Variants in BMS1 observed in about 807,000 individuals in gnomAD.
BMS1 encodes ribosome biogenesis protein BMS1 homolog.
Under a neutral mutation model 138.7 loss-of-function variants are expected in BMS1, and 53 were observed. The observed-to-expected ratio is 0.38, with a 90% CI of 0.31 to 0.48. BMS1 has a LOEUF of 0.48. Ranked by LOEUF, BMS1 falls within the 20% of genes least tolerant of loss-of-function variation. The pLI, the probability that BMS1 is intolerant of heterozygous loss-of-function variation, is 0.97. For synonymous variants in BMS1, 504 were observed against 539.9 expected, an observed-to-expected ratio of 0.93 and a Z score of 0.92; for missense variants, 1,360 against 1,565.5, an observed-to-expected ratio of 0.87 and a Z score of 2.22.
rs1265832038 is a variant in BMS1, at chr10:42,833,674, G to A, written c.*2578G>A. The A allele has an allele frequency of 2.6e-5, 4 of 152,336 alleles. No homozygotes were observed. The highest frequency in any genetic ancestry group is 3.4e-3 in the Middle Eastern group (1 of 294). The allele number at this position is 152,336 out of a possible 1,614,324, so 9.4% of individuals were successfully genotyped here. Reference sequence around the variant, plus strand: ...TCCATCCTTGACTGAACATCATGCGGCATGTGGCTGTATGTATACACATAG... The same window carrying A: ...TCCATCCTTGACTGAACATCATGCGACATGTGGCTGTATGTATACACATAG... On this transcript the variant is annotated 3_prime_UTR_variant, in exon 23 of 23. Transcript: ENST00000374518.
Position 42,798,766 on chromosome 10 carries a change from G to T in BMS1, c.2247+141G>T, listed in dbSNP as rs1053035303. The stretch of plus-strand genomic sequence containing the variant: ...AGGTCATTCTCCCAGATATTGTAGT[G>T]GGCGCTTCATGCATCCTAAGCAGTA... On this transcript the variant is annotated intron_variant, in intron 12 of 22. Coordinates refer to ENST00000374518, the MANE Select transcript of BMS1 (RefSeq NM_014753.4). 10 of 1,204,308 alleles carry T rather than the reference G, an allele frequency of 8.3e-6. No homozygotes were observed. In the African/African-American group the frequency reaches 1.5e-4, roughly 18 times the overall value. 74.6% of individuals were successfully genotyped at this position (1,204,308 alleles called of 1,614,324 possible).
intron 13 of BMS1, among the ~76,000 whole-genome samples, chr10:42,812,129 C>A (rs1842202772): frequency 6.6e-6 from 1 of 152,138 alleles, no homozygotes. Flanking sequence ...TTTGCTGGCT[C>A]ACTGTTCAGA....
chr10:42,820,883 G>C (rs1383957725), intron 17 of BMS1, 51 bp from the exon 18 acceptor site: 1 of 1,496,126 alleles, frequency 6.7e-7, no homozygotes, highest in African/African-American at 1.4e-5. Flanking sequence ...TGTTAAACTA[G>C]AATCTAAAAT....
chr10:42,816,968 T>C (rs1422814690), intron 14 of BMS1, among the ~76,000 whole-genome samples: 1 of 152,244 alleles, frequency 6.6e-6, no homozygotes, highest in Non-Finnish European at 1.5e-5. Flanking sequence ...ATTCTCCTTT[T>C]TTTAAATTTA....
chr10:42,824,702 T>C (rs1013892894), intron 21 of BMS1, among the ~76,000 whole-genome samples: 1 of 152,220 alleles, frequency 6.6e-6, no homozygotes, highest in Non-Finnish European at 1.5e-5. Context: ...TTCTTTTGCA[T>C]GTGAAAATCC....
At chr10:42,829,292 C>T (rs908980909) in intron 21 of BMS1, among the ~76,000 whole-genome samples, 3 of 151,790 alleles carry the variant, frequency 2.0e-5, no homozygotes, top group African/African-American at 7.3e-5. Flanking sequence ...GCCTGGGCGA[C>T]AGAGCGAGAC....
chr10:42,804,556 TA>T (rs1841961243), intron 13 of BMS1, among the ~76,000 whole-genome samples: 1 of 152,190 alleles, frequency 6.6e-6, no homozygotes, highest in Admixed American at 6.5e-5. Context: ...TTTTGTACAT[TA>T]TTTTAATTTT....
chr10:42,826,649 T>C (rs1842654227), intron 21 of BMS1, among the ~76,000 whole-genome samples: 1 of 152,190 alleles, frequency 6.6e-6, no homozygotes, highest in South Asian at 2.1e-4. Flanking sequence ...TCTACAGTTG[T>C]TTGTCCTGAA....
chr10:42,803,443 G>GT (rs1308094986), intron 13 of BMS1, among the ~76,000 whole-genome samples: 1 of 152,072 alleles, frequency 6.6e-6, no homozygotes, highest in Non-Finnish European at 1.5e-5. Flanking sequence ...CTAGTCTGTA[G>GT]TATGTGAATG....
At position 42,809,708 on chromosome 10, in the gene BMS1, G is replaced by T. The variant is rs1842112206; in HGVS notation, c.2330-6891G>T. Among the ~76,000 whole-genome samples the T allele has an allele frequency of 2.0e-5, 3 of 152,144 alleles. No homozygotes were observed. The South Asian group carries it at 6.2e-4, about 31-fold the overall frequency. On this transcript the variant is annotated intron_variant, in intron 13 of 22. Coordinates refer to ENST00000374518, the MANE Select transcript of BMS1 (RefSeq NM_014753.4). ...CTAACATGATTGGATGTTGAATTTT[G>T]TCTAATGCCTTTTGGTGTCAGTTGA...
chr10:42,807,749 G>A (rs1056036475), intron 13 of BMS1, among the ~76,000 whole-genome samples: 1 of 152,158 alleles, frequency 6.6e-6, no homozygotes, highest in Middle Eastern at 3.2e-3. Context: ...TTAGAATTGA[G>A]CTACTATGAA....
At chr10:42,812,871 G>A (rs946022296) in intron 13 of BMS1, among the ~76,000 whole-genome samples, 6 of 152,214 alleles carry the variant, frequency 3.9e-5, no homozygotes, top group African/African-American at 7.2e-5. Context: ...AGGTGCAACC[G>A]TTCTGGCTGA....
intron 22 of BMS1, 103 bp downstream of exon 22, chr10:42,830,525 C>A: frequency 6.9e-7 from 1 of 1,439,196 alleles, no homozygotes; most frequent in Non-Finnish European, 9.3e-7. Context: ...ATTCAGGGCA[C>A]TGGAACTAAA....
At chr10:42,808,525 T>C (rs991161577) in intron 13 of BMS1, among the ~76,000 whole-genome samples, 1 of 151,974 alleles carries the variant, frequency 6.6e-6, no homozygotes, top group Non-Finnish European at 1.5e-5. Context: ...GGTCTCCATC[T>C]CCTGACCTCG....
chr10:42,821,367 C>G (rs1842499043), intron 18 of BMS1, among the ~76,000 whole-genome samples: 1 of 151,854 alleles, frequency 6.6e-6, no homozygotes, highest in African/African-American at 2.4e-5. Context: ...GTTTATTGGT[C>G]CCATTTAACA....
chr10:42,822,942 T>G (rs1842542750), intron 19 of BMS1, among the ~76,000 whole-genome samples, 176 bp from the exon 20 acceptor site: 1 of 152,220 alleles, frequency 6.6e-6, no homozygotes, highest in African/African-American at 2.4e-5. Context: ...AATGAAAGAC[T>G]TGTATTCTTT....
chr10:42,786,195 T>A (rs1841323090), intron 3 of BMS1, among the ~76,000 whole-genome samples: 1 of 152,238 alleles, frequency 6.6e-6, no homozygotes, highest in Admixed American at 6.5e-5. Flanking sequence ...ACCTCCTATG[T>A]GCCAGGTGCA....
chr10:42,784,120 T>G (rs1472561206), intron 1 of BMS1, among the ~76,000 whole-genome samples: 1 of 152,200 alleles, frequency 6.6e-6, no homozygotes, highest in Non-Finnish European at 1.5e-5. Context: ...ATGTTGACAC[T>G]TAAGATGAAT....
chr10:42,822,054 C>G lies in BMS1; in HGVS notation c.3010-8C>G, dbSNP rs763896275. On this transcript the variant is annotated splice_region_variant and splice_polypyrimidine_tract_variant and intron_variant, in intron 18 of 22. Coordinates refer to ENST00000374518, the MANE Select transcript of BMS1 (RefSeq NM_014753.4). Reference sequence around the variant, plus strand: ...ATTCCTATTTTCAAATTTTGGGGTTCCTGTTAGCCTGATTTTCGGATAGCT... The same window carrying G: ...ATTCCTATTTTCAAATTTTGGGGTTGCTGTTAGCCTGATTTTCGGATAGCT... 1.3e-6 allele frequency: 2 copies of G among 1,593,164 alleles called. No homozygotes were observed. Among genetic ancestry groups the G allele is most frequent in the Non-Finnish European group, 1.7e-6 (2 of 1,177,130 alleles).
Sources: gnomAD v4.1 joint callset for allele counts (sites outside exome capture counted in the v4.1 genomes callset) on GRCh38, gnomAD v4.1.1 for gene constraint, MANE v1.5 for transcripts, NCBI Gene and HGNC (gene_info 2026-07-23, HGNC 2026-07-21) for gene names.